CAMTA1: variants seen among roughly 807,000 people sequenced by gnomAD.
The protein encoded by CAMTA1 is calmodulin binding transcription activator 1.
In CAMTA1, 27 loss-of-function variants were observed where a neutral mutation model predicts 170.9. The ratio of observed to expected loss-of-function variants is 0.16; its 90% CI spans 0.12 to 0.22. The LOEUF (loss-of-function observed/expected upper bound fraction) is 0.22. CAMTA1 is among the 10% of genes least tolerant of loss of function. The probability of loss-of-function intolerance (pLI) is 1.00; values close to 1 mark genes in which losing one functional copy is unlikely to be tolerated. For missense variants in CAMTA1, 1,619 were observed against 2,217.2 expected, an observed-to-expected ratio of 0.73 and a Z score of 5.42; for synonymous variants, 833 against 891.5, an observed-to-expected ratio of 0.93 and a Z score of 1.17.
At chr1:7,230,524 C>T (rs140997102) in intron 4 of CAMTA1, among the ~76,000 whole-genome samples, 110 of 151,088 alleles carry the variant, frequency 7.3e-4, no homozygotes, top group African/African-American at 2.5e-3. Context: ...TCTGCCTCAT[C>T]GCCCATCATC....
intron 3 of CAMTA1, among the ~76,000 whole-genome samples, chr1:6,921,197 T>A (rs780453154): frequency 6.6e-6 from 1 of 152,228 alleles, no homozygotes; most frequent in Non-Finnish European, 1.5e-5. Context: ...ACCTAAATCA[T>A]CTTTCTCAAG....
chr1:7,583,597 T>C (rs2095280912), intron 6 of CAMTA1, among the ~76,000 whole-genome samples: 1 of 152,100 alleles, frequency 6.6e-6, no homozygotes, highest in South Asian at 2.1e-4. Context: ...GAACCTGCTC[T>C]GAGCATTTCT....
intron 3 of CAMTA1, among the ~76,000 whole-genome samples, chr1:7,035,884 T>G (rs1703521865): frequency 6.6e-6 from 1 of 152,186 alleles, no homozygotes; most frequent in Non-Finnish European, 1.5e-5. Context: ...TATAATGAAA[T>G]AGTATATAGC....
At chr1:7,452,551 G>A (rs1460736842) in intron 5 of CAMTA1, among the ~76,000 whole-genome samples, 1 of 152,016 alleles carries the variant, frequency 6.6e-6, no homozygotes, top group Non-Finnish European at 1.5e-5. Flanking sequence ...TGCCTCTAGC[G>A]ACCACCAATC....
intron 11 of CAMTA1, among the ~76,000 whole-genome samples, chr1:7,727,911 A>G (rs951326733): frequency 2.6e-5 from 4 of 152,266 alleles, no homozygotes; most frequent in African/African-American, 2.4e-5. Flanking sequence ...CTGAACTTGC[A>G]TAGCACAGTG....
At chr1:7,606,146 A>G (rs1218640540) in intron 6 of CAMTA1, among the ~76,000 whole-genome samples, 1 of 152,188 alleles carries the variant, frequency 6.6e-6, no homozygotes, top group Non-Finnish European at 1.5e-5. Flanking sequence ...GCATTGGTCA[A>G]GCCCCCAGCC....
intron 4 of CAMTA1, among the ~76,000 whole-genome samples, chr1:7,129,837 G>C (rs1320171615): frequency 6.6e-6 from 1 of 151,922 alleles, no homozygotes; most frequent in African/African-American, 2.4e-5. Flanking sequence ...CCTGTTTTCT[G>C]TCACTATGGA....
chr1:6,911,651 G>A (rs1428104803), intron 3 of CAMTA1, among the ~76,000 whole-genome samples: 1 of 152,170 alleles, frequency 6.6e-6, no homozygotes, highest in Non-Finnish European at 1.5e-5. Context: ...CCTGTCCGAG[G>A]CCAGATCCAC....
intron 11 of CAMTA1, among the ~76,000 whole-genome samples, chr1:7,710,496 AG>A (rs2096561462): frequency 6.6e-6 from 1 of 151,020 alleles, no homozygotes; most frequent in Non-Finnish European, 1.5e-5. Flanking sequence ...GCTACTCAGG[AG>A]GCTGAAGCAG....
At chr1:6,859,258 C>T (rs985846365) in intron 3 of CAMTA1, among the ~76,000 whole-genome samples, 3 of 152,096 alleles carry the variant, frequency 2.0e-5, no homozygotes, top group African/African-American at 7.3e-5. Context: ...TACAGCTTCC[C>T]TGTTTTTTCC....
intron 5 of CAMTA1, among the ~76,000 whole-genome samples, chr1:7,416,492 C>T (rs1227327985): frequency 3.3e-5 from 5 of 152,148 alleles, no homozygotes; most frequent in South Asian, 2.1e-4. Flanking sequence ...CTTCTCTTCT[C>T]GCTTCATTTC....
At chr1:7,340,666 A>G (rs562843472) in intron 5 of CAMTA1, among the ~76,000 whole-genome samples, 123 of 151,502 alleles carry the variant, frequency 8.1e-4, no homozygotes, top group African/African-American at 3.0e-3. Flanking sequence ...CCATCTATTC[A>G]TGCATTCTTT....
intron 3 of CAMTA1, among the ~76,000 whole-genome samples, chr1:6,886,497 G>T (rs190684923): frequency 6.6e-6 from 1 of 152,352 alleles, no homozygotes; most frequent in Non-Finnish European, 1.5e-5. Context: ...CTCGCAGCAT[G>T]CTCTTTTCAG....
Position 7,452,395 on chromosome 1 carries a change from T to C in CAMTA1, c.439-15435T>C, listed in dbSNP as rs371208281. Among the ~76,000 whole-genome samples, 27 of 152,322 alleles carry C rather than the reference T, an allele frequency of 1.8e-4. No individual in the cohort carries two copies. In the East Asian group the frequency reaches 3.9e-3, roughly 22 times the overall value. On this transcript the variant is annotated intron_variant, in intron 5 of 22. Transcript: ENST00000303635. ...TGGTCAGATTCACATAATGCAAAATTAACTTTTTAAAGTCAGCAATTCAGA... is the reference window on the plus strand; with the variant it reads ...TGGTCAGATTCACATAATGCAAAATCAACTTTTTAAAGTCAGCAATTCAGA...
At chr1:7,579,674 C>T (rs930150570) in intron 6 of CAMTA1, among the ~76,000 whole-genome samples, 63 of 151,056 alleles carry the variant, frequency 4.2e-4, no homozygotes, top group African/African-American at 1.3e-3. Flanking sequence ...ATTCCCTCAC[C>T]TCAACCTCCT....
chr1:7,431,610 G>A (rs968501710), intron 5 of CAMTA1, among the ~76,000 whole-genome samples: 3 of 152,136 alleles, frequency 2.0e-5, no homozygotes, highest in Non-Finnish European at 4.4e-5. Context: ...TTTGGGGTGG[G>A]CGCCAGGCAG....
chr1:7,498,487 ATGAGAG>A lies in CAMTA1; in HGVS notation c.510+30591_510+30596del, dbSNP rs1227890003. Among the ~76,000 whole-genome samples the A allele has an allele frequency of 6.1e-5, 9 of 148,458 alleles. No homozygotes were observed. The South Asian group carries it at 1.3e-3, about 22-fold the overall frequency. ...AGTGTGTGTGGATGTGTGAGCATGT[ATGAGAG>A]TGAGTGTGGGTGTGGGTGTATATGC... On this transcript the variant is annotated intron_variant, in intron 6 of 22. Transcript: ENST00000303635.
intron 3 of CAMTA1, among the ~76,000 whole-genome samples, chr1:6,872,508 A>G (rs890332048): frequency 6.6e-6 from 1 of 152,214 alleles, no homozygotes; most frequent in African/African-American, 2.4e-5. Context: ...AATTTTAGGC[A>G]TAAGTTAAGA....
chr1:7,270,697 A>G (rs1399389959), intron 5 of CAMTA1, among the ~76,000 whole-genome samples: 1 of 152,130 alleles, frequency 6.6e-6, no homozygotes, highest in Non-Finnish European at 1.5e-5. Flanking sequence ...AATGGTAAAT[A>G]TGGCTGGACA....
Sources: gnomAD v4.1 joint callset for allele counts (sites outside exome capture counted in the v4.1 genomes callset) on GRCh38, gnomAD v4.1.1 for gene constraint, MANE v1.5 for transcripts, NCBI Gene and HGNC (gene_info 2026-07-23, HGNC 2026-07-21) for gene names.